Variants in CRTAC1 observed in about 807,000 individuals in gnomAD.
CRTAC1 encodes the protein acidic secreted protein in cartilage.
A neutral mutation model predicts 67.8 loss-of-function variants in CRTAC1; 37 were observed. The ratio of observed to expected loss-of-function variants is 0.55; its 90% CI spans 0.42 to 0.72. CRTAC1 has a LOEUF of 0.72. Ranked by LOEUF, CRTAC1 falls within the 30% of genes least tolerant of loss-of-function variation. The pLI is 0.00. For synonymous variants in CRTAC1, 348 were observed against 371.0 expected (o/e 0.94, Z 0.71); for missense variants, 780 against 931.6 (o/e 0.84, Z 2.12).
At chr10:97,951,244 A>G (rs2051351005) in intron 2 of CRTAC1, among the ~76,000 whole-genome samples, 1 of 152,106 alleles carries the variant, frequency 6.6e-6, no homozygotes, top group South Asian at 2.1e-4. Context: ...AAATCCTTCT[A>G]GTTGTCTCTT....
At chr10:97,986,725 T>A (rs892486563) in intron 2 of CRTAC1, among the ~76,000 whole-genome samples, 9 of 152,330 alleles carry the variant, frequency 5.9e-5, no homozygotes, top group Admixed American at 6.5e-5. Context: ...GACAACAATT[T>A]CATTCAGACT....
At chr10:97,936,097 C>T in intron 3 of CRTAC1, 73 bp downstream of exon 3, 1 of 1,449,870 alleles carries the variant, frequency 6.9e-7, no homozygotes, top group Non-Finnish European at 9.4e-7. Context: ...CCAGGGTTCC[C>T]ATGGCCCTCC....
At chr10:97,997,230 T>TATA (rs111567944) in intron 2 of CRTAC1, among the ~76,000 whole-genome samples, 18,545 of 131,568 alleles carry the variant, frequency 0.14, 1,621 homozygotes, top group African/African-American at 0.25. Context: ...AAACTTAAAG[T>TATA]ATAATAATAA....
At position 97,901,543 on chromosome 10, in the gene CRTAC1, T is replaced by G. The variant is rs764123472; in HGVS notation, c.1093A>C (p.Asn365His). The change falls in exon 8 of 15, where the codon AAC (asparagine) becomes CAC (histidine). Residue 365 changes from asparagine to histidine, a missense_variant. Asn to His is a moderately conservative substitution (Grantham distance 68). Transcript: ENST00000370597. ...GCTGAGGAGCTGCGGTAGGCAATGTTGTTGAAGAAGATCTCCAGCTCCTGG... is the reference window on the plus strand; with the variant it reads ...GCTGAGGAGCTGCGGTAGGCAATGTGGTTGAAGAAGATCTCCAGCTCCTGG... ...NDQELEIFFN[N>H]IAYRSSSANR... The G allele has an allele frequency of 6.8e-6, 11 of 1,614,092 alleles. No homozygotes were observed. The highest frequency in any genetic ancestry group is 1.7e-5 in the Admixed American group (1 of 60,020).
At position 97,901,612 on chromosome 10, in the gene CRTAC1, G is replaced by T; in HGVS notation, c.1024C>A (p.Pro342Thr). 1 of 1,614,188 alleles carries T rather than the reference G, an allele frequency of 6.2e-7. No homozygotes were observed. The highest frequency in any genetic ancestry group is 8.5e-7 in the Non-Finnish European group (1 of 1,180,042). Residue 342 changes from proline (P) to threonine (T), a missense_variant, in exon 8 of 15, where the codon CCC becomes ACC. Pro to Thr is a conservative substitution (Grantham distance 38). Coordinates refer to ENST00000370597, the MANE Select transcript of CRTAC1 (RefSeq NM_018058.7). ...RDIASPKFSM[P>T]SPVRTVITAD... is the part of the protein sequence containing the mutation. ...GTGATGACCGTGCGGACAGGGGAGGGCATGGAGAACTTGGGTGAGGCGATG... is the reference window on the plus strand; with the variant it reads ...GTGATGACCGTGCGGACAGGGGAGGTCATGGAGAACTTGGGTGAGGCGATG...
At chr10:97,932,842 G>GC (rs1295204158) in intron 3 of CRTAC1, among the ~76,000 whole-genome samples, 15 of 151,650 alleles carry the variant, frequency 9.9e-5, no homozygotes, top group African/African-American at 3.6e-4. Context: ...GGGAGTTGAG[G>GC]CTGAGAGAGG....
intron 8 of CRTAC1, 32 bp from the exon 9 acceptor site, chr10:97,897,023 G>A (rs1360501510): frequency 6.0e-6 from 9 of 1,497,298 alleles, no homozygotes; most frequent in Non-Finnish European, 7.3e-6. Context: ...TGCTCTGGTG[G>A]GGTCTCAGAG....
chr10:97,943,037 A>C (rs961784332), intron 2 of CRTAC1, among the ~76,000 whole-genome samples: 5 of 152,062 alleles, frequency 3.3e-5, no homozygotes, highest in Admixed American at 3.3e-4. Context: ...ATGCCACTGC[A>C]CTCCAGCCTG....
chr10:97,932,287 G>T (rs2051014932), intron 3 of CRTAC1, among the ~76,000 whole-genome samples: 1 of 152,178 alleles, frequency 6.6e-6, no homozygotes, highest in African/African-American at 2.4e-5. Flanking sequence ...TGTGTGGAGG[G>T]CTTATAAAGT....
chr10:97,900,010 T>A (rs993768612), intron 8 of CRTAC1, among the ~76,000 whole-genome samples: 1 of 152,248 alleles, frequency 6.6e-6, no homozygotes, highest in African/African-American at 2.4e-5. Context: ...TGGTGCCTAC[T>A]GTACTTGTTA....
chr10:97,895,832 G>A lies in CRTAC1; in HGVS notation c.1317+53C>T. The A allele has an allele frequency of 6.7e-7, 1 of 1,489,266 alleles. No homozygotes were observed. The highest frequency in any genetic ancestry group is 9.3e-7 in the Non-Finnish European group (1 of 1,071,002). 92.3% of individuals were successfully genotyped at this position (1,489,266 alleles called of 1,614,324 possible). On this transcript the variant is annotated intron_variant, in intron 10 of 14. Coordinates refer to ENST00000370597, the MANE Select transcript of CRTAC1 (RefSeq NM_018058.7). This position sits in a 1 kb window ranked among gnomAD's most constrained non-coding sequence, Gnocchi z 4.2. ...GGCACCTTGCCCTCACCAACTCAAG[G>A]TACCCGAGAGCACACAGGGCTGGGA...
intron 5 of CRTAC1, among the ~76,000 whole-genome samples, chr10:97,915,898 T>C (rs1241563441): frequency 1.3e-5 from 2 of 152,092 alleles, no homozygotes; most frequent in Non-Finnish European, 2.9e-5. Context: ...AGCTGCTGCT[T>C]CTTCCTTGAA....
At position 98,029,518 on chromosome 10, in the gene CRTAC1, G is replaced by A. The variant is rs1843318750; in HGVS notation, c.24+931C>T. On this transcript the variant is annotated intron_variant, in intron 1 of 14. Transcript: ENST00000370597. This position sits in a 1 kb window ranked among gnomAD's most constrained non-coding sequence, Gnocchi z 4.7. ...CGGCGGCGGCGGCGGCGGCGGCGGC[G>A]GCGGCGGCGGCAGCAGCAGCAATAT... 7.2e-6 allele frequency among the ~76,000 whole-genome samples: 1 copy of A among 138,302 alleles called. No individual in the cohort carries two copies. Among genetic ancestry groups the A allele is most frequent in the Admixed American group, 6.8e-5 (1 of 14,662 alleles). The allele number at this position is 138,302 out of a possible 152,430, so 90.7% of individuals were successfully genotyped here.
chr10:97,994,739 A>G (rs1165512780), intron 2 of CRTAC1, among the ~76,000 whole-genome samples: 1 of 152,222 alleles, frequency 6.6e-6, no homozygotes, highest in East Asian at 1.9e-4. Flanking sequence ...TACTGATTAG[A>G]TACTGGACTA....
chr10:97,877,347 C>T (rs536138), intron 14 of CRTAC1, among the ~76,000 whole-genome samples: 80,027 of 152,082 alleles, frequency 0.53, 21,688 homozygotes, highest in East Asian at 0.69. Flanking sequence ...CTTACCATTA[C>T]ATACCTAGAG....
intron 2 of CRTAC1, among the ~76,000 whole-genome samples, chr10:97,941,299 T>A (rs932879420): frequency 6.6e-6 from 1 of 152,086 alleles, no homozygotes; most frequent in Non-Finnish European, 1.5e-5. Context: ...TCCTCTCCTT[T>A]CCCCACCGTA....
At position 97,904,652 on chromosome 10, in the gene CRTAC1, G is replaced by T; in HGVS notation, c.996+17C>A. On this transcript the variant is annotated intron_variant, in intron 7 of 14. Transcript: ENST00000370597. ...GACAGGCTGGTCTTGAACTCCTGGG[G>T]TGAGGCCCCTTCTTACCCGGAAGCG... The T allele has an allele frequency of 1.3e-6, 2 of 1,517,456 alleles. No homozygotes were observed. The highest frequency in any genetic ancestry group is 1.4e-5 in the African/African-American group (1 of 70,766). 94.0% of individuals were successfully genotyped at this position (1,517,456 alleles called of 1,614,324 possible). A position where few individuals can be genotyped will look rare whatever the true frequency, so the allele number is the denominator to read the frequency against.
intron 2 of CRTAC1, among the ~76,000 whole-genome samples, chr10:97,951,490 C>T (rs560288809): frequency 1.9e-4 from 29 of 152,262 alleles, no homozygotes; most frequent in South Asian, 1.5e-3. Context: ...CTTGAATTTC[C>T]TCAGCCAAGC....
Position 97,865,707 on chromosome 10 carries a change from G to A in CRTAC1, c.1827C>T (p.Leu609=), listed in dbSNP as rs747574968. ...TGGGGCGGGGGCCCGGTGACTGGCC[G>A]AGAGTCCCTGTAGGGAGGTGTATGG... is the stretch of plus-strand genomic sequence containing the variant. ...NEDGTACVGT[L]GQSPGPRPTT... Residue 609 remains leucine (L), a synonymous_variant, in exon 15 of 15, where the codon CTC becomes CTT. Coordinates refer to ENST00000370597, the MANE Select transcript of CRTAC1 (RefSeq NM_018058.7). The A allele has an allele frequency of 8.1e-6, 13 of 1,601,804 alleles. No individual in the cohort carries two copies. The African/African-American group carries it at 1.1e-4, about 13-fold the overall frequency.
Sources: gnomAD v4.1 joint callset for allele counts (sites outside exome capture counted in the v4.1 genomes callset) on GRCh38, gnomAD v4.1.1 for gene constraint, Gnocchi (gnomAD v3.1) non-coding constraint, MANE v1.5 for transcripts, NCBI Gene and HGNC (gene_info 2026-07-23, HGNC 2026-07-21) for gene names.